Variants in SAP30BP observed in about 807,000 individuals in gnomAD.
SAP30BP encodes the protein SAP30 binding protein.
SAP30BP carries 31 observed loss-of-function variants against 46.3 expected under a neutral mutation model. The observed-to-expected ratio is 0.67, with a 90% CI of 0.50 to 0.90. SAP30BP has a LOEUF of 0.90. Among genes scored for constraint, SAP30BP ranks in the 40% least tolerant of loss-of-function variants. The probability of loss-of-function intolerance (pLI) is 0.00; values close to 1 mark genes in which losing one functional copy is unlikely to be tolerated. For synonymous variants in SAP30BP, 169 were observed against 144.2 expected (o/e 1.17, Z -1.23); for missense variants, 312 against 391.0 (o/e 0.80, Z 1.70).
intron 9 of SAP30BP, 90 bp downstream of exon 9, chr17:75,704,904 C>T (rs2060471464): frequency 2.0e-6 from 2 of 993,668 alleles, no homozygotes; most frequent in Admixed American, 1.7e-5. Flanking sequence ...CAGGCTGCCC[C>T]CAACCCTGGC....
At chr17:75,695,912 C>T (rs542870150) in intron 4 of SAP30BP, among the ~76,000 whole-genome samples, 36 of 152,262 alleles carry the variant, frequency 2.4e-4, no homozygotes, top group African/African-American at 8.2e-4. Context: ...TGGCAGTGCA[C>T]GTGGGTTCTC....
chr17:75,688,386 A>G (rs2060192987), intron 3 of SAP30BP, among the ~76,000 whole-genome samples: 1 of 152,206 alleles, frequency 6.6e-6, no homozygotes, highest in Non-Finnish European at 1.5e-5. Flanking sequence ...ACGTACTTGT[A>G]AGATGCAAGA....
At chr17:75,686,697 G>A (rs957021402) in intron 3 of SAP30BP, among the ~76,000 whole-genome samples, 1 of 152,112 alleles carries the variant, frequency 6.6e-6, no homozygotes, top group African/African-American at 2.4e-5. Context: ...GTGTGCCCAC[G>A]GCAGTGGCTC....
chr17:75,703,173 A>G (rs2060440298), intron 6 of SAP30BP, 138 bp from the exon 7 acceptor site: 1 of 740,414 alleles, frequency 1.4e-6, no homozygotes, highest in Non-Finnish European at 2.3e-6. Flanking sequence ...GTGGAGGGCC[A>G]TCAGGAAGCT....
At chr17:75,696,766 CTTTTTT>C (rs34464076) in intron 4 of SAP30BP, among the ~76,000 whole-genome samples, 2 of 100,676 alleles carry the variant, frequency 2.0e-5, no homozygotes, top group Non-Finnish European at 2.0e-5. Flanking sequence ...CTCCCCTCCT[CTTTTTT>C]TTTTTTTTTT....
At chr17:75,674,695 TTG>T (rs2059960045) in intron 3 of SAP30BP, among the ~76,000 whole-genome samples, 5 of 65,294 alleles carry the variant, frequency 7.7e-5, no homozygotes, top group South Asian at 5.7e-4. Flanking sequence ...TGTTTGTTTT[TTG>T]TTTTTTTTTT....
intron 3 of SAP30BP, among the ~76,000 whole-genome samples, chr17:75,689,944 G>A (rs563960750): frequency 3.3e-5 from 5 of 152,136 alleles, no homozygotes; most frequent in Non-Finnish European, 5.9e-5. Context: ...GGCGAGAGGT[G>A]ACTTCTATCA....
intron 4 of SAP30BP, among the ~76,000 whole-genome samples, chr17:75,696,547 TA>T (rs1181756216): frequency 3.5e-3 from 465 of 134,572 alleles, no homozygotes; most frequent in Middle Eastern, 3.7e-3. Flanking sequence ...CCATCTCAAT[TA>T]AAAAAAAAAA....
At position 75,703,362 on chromosome 17, in the gene SAP30BP, C is replaced by A; in HGVS notation, c.540C>A (p.Asn180Lys). 6.2e-7 allele frequency: 1 copy of A among 1,613,966 alleles called. No individual in the cohort carries two copies. Among genetic ancestry groups the A allele is most frequent in the Non-Finnish European group, 8.5e-7 (1 of 1,179,916 alleles). ...GTGCCATTGACGAGCTTGGCACCAA[C>A]TACCCAAAGGTGCGTCTGGCACACG... Reference protein sequence around the residue: ...QFCAIDELGTNYPKDMFDPHG... With the variant: ...QFCAIDELGTKYPKDMFDPHG... The change falls in exon 7 of 11, where the codon AAC becomes AAA. Residue 180 changes from asparagine (N) to lysine (K), a missense_variant. Coordinates refer to ENST00000584667, the MANE Select transcript of SAP30BP (RefSeq NM_013260.8).
chr17:75,694,068 G>A (rs900166984), intron 4 of SAP30BP, among the ~76,000 whole-genome samples: 2 of 152,054 alleles, frequency 1.3e-5, no homozygotes, highest in South Asian at 2.1e-4. Flanking sequence ...CCCAAAGCCC[G>A]ACCGGGGGGC....
chr17:75,668,812 A>AT (rs2059856996), intron 2 of SAP30BP, among the ~76,000 whole-genome samples, 187 bp downstream of exon 2: 1 of 152,198 alleles, frequency 6.6e-6, no homozygotes, highest in African/African-American at 2.4e-5. Flanking sequence ...CACATGGATC[A>AT]TTTTTTATTA....
chr17:75,668,947 C>T (rs2059861229), intron 2 of SAP30BP, among the ~76,000 whole-genome samples: 1 of 152,156 alleles, frequency 6.6e-6, no homozygotes, highest in Non-Finnish European at 1.5e-5. Flanking sequence ...AGGCATTCAT[C>T]CTAACTGGTG....
chr17:75,688,863 C>G (rs1035389496), intron 3 of SAP30BP, among the ~76,000 whole-genome samples: 2 of 152,178 alleles, frequency 1.3e-5, no homozygotes, highest in Admixed American at 6.5e-5. Context: ...CACTGACCTA[C>G]AGTTGCATCT....
intron 2 of SAP30BP, among the ~76,000 whole-genome samples, chr17:75,671,053 G>A (rs2059900338): frequency 6.6e-6 from 1 of 152,186 alleles, no homozygotes; most frequent in Non-Finnish European, 1.5e-5. Context: ...AGCGTTCAGT[G>A]GAATGGCGGG....
intron 5 of SAP30BP, 30 bp downstream of exon 5, chr17:75,699,901 G>T: frequency 6.8e-7 from 1 of 1,463,944 alleles, no homozygotes. Context: ...ACTGAGGTCG[G>T]ATAGATTAGA....
intron 1 of SAP30BP, 75 bp downstream of exon 1, chr17:75,667,553 G>A (rs2059811137): frequency 1.5e-6 from 2 of 1,347,526 alleles, no homozygotes; most frequent in South Asian, 1.2e-5. Flanking sequence ...TGGGCGGGAG[G>A]GAACAAGATG....
At position 75,668,558 on chromosome 17, in the gene SAP30BP, A is replaced by G. The variant is rs746801946; in HGVS notation, c.149A>G (p.Asp50Gly). Residue 50 changes from aspartate to glycine, a missense_variant, in exon 2 of 11, where the codon GAC becomes GGC. Coordinates refer to ENST00000584667, the MANE Select transcript of SAP30BP (RefSeq NM_013260.8). ...GLVSDAYGEDDFSRLGGDEDG... is the reference protein window; with the variant it reads ...GLVSDAYGEDGFSRLGGDEDG... ...GTATCTGATGCCTATGGGGAGGATG[A>G]CTTTTCTCGTCTAGGGGGTGATGAA... The G allele has an allele frequency of 6.2e-7, 1 of 1,605,026 alleles. No homozygotes were observed. The highest frequency in any genetic ancestry group is 8.5e-7 in the Non-Finnish European group (1 of 1,176,532).
chr17:75,679,076 C>G (rs1418328855), intron 3 of SAP30BP, among the ~76,000 whole-genome samples: 1 of 150,824 alleles, frequency 6.6e-6, no homozygotes, highest in Non-Finnish European at 1.5e-5. Flanking sequence ...TCACTGCAAG[C>G]TCCGCCTCCC....
At chr17:75,674,334 G>A (rs769351034) in intron 3 of SAP30BP, among the ~76,000 whole-genome samples, 12 of 151,742 alleles carry the variant, frequency 7.9e-5, no homozygotes, top group Non-Finnish European at 1.6e-4. Context: ...TTGCTCTGTC[G>A]CTCAGGCTGG....
Sources: allele counts gnomAD v4.1 joint callset (sites outside exome capture counted in the v4.1 genomes callset), GRCh38; gene constraint gnomAD v4.1.1; transcripts MANE v1.5; gene names NCBI Gene and HGNC (gene_info 2026-07-23, HGNC 2026-07-21).